The following RNF10 variants were observed in gnomAD, a reference collection of about 807,000 sequenced individuals.
RNF10 encodes E3 ubiquitin-protein ligase RNF10.
A neutral mutation model predicts 91.4 loss-of-function variants in RNF10; 38 were observed. The ratio of observed to expected loss-of-function variants is 0.42; its 90% CI spans 0.32 to 0.54. The LOEUF (loss-of-function observed/expected upper bound fraction) is 0.54. RNF10 is among the 20% of genes least tolerant of loss of function. The probability of loss-of-function intolerance (pLI) is 0.16; values close to 1 mark genes in which losing one functional copy is unlikely to be tolerated. For synonymous variants in RNF10, 364 were observed against 366.3 expected (o/e 0.99, Z 0.07); for missense variants, 945 against 1,012.0 (o/e 0.93, Z 0.90).
rs1431223401 is a variant in RNF10, at chr12:120,552,711, AC to A, written c.554+17del. The A allele has an allele frequency of 3.1e-6, 5 of 1,611,426 alleles. No homozygotes were observed. The highest frequency in any genetic ancestry group is 4.2e-6 in the Non-Finnish European group (5 of 1,178,646). The stretch of plus-strand genomic sequence containing the variant: ...TTTTACAGGCCAAGTGAGTATTGCT[AC>A]CCCTCAGAGGAAAGGGAAAGTAGGA... On this transcript the variant is annotated intron_variant, in intron 3 of 16. Transcript: ENST00000325954.
intron 13 of RNF10, among the ~76,000 whole-genome samples, chr12:120,568,852 G>A (rs1416448878): frequency 1.3e-5 from 2 of 151,950 alleles, no homozygotes; most frequent in Admixed American, 1.3e-4. Flanking sequence ...GAACTCCTGG[G>A]CTCAAGTGAT....
At chr12:120,561,338 A>G (rs1448878351) in intron 7 of RNF10, among the ~76,000 whole-genome samples, 1 of 152,224 alleles carries the variant, frequency 6.6e-6, no homozygotes, top group Non-Finnish European at 1.5e-5. Context: ...AGAATTACAC[A>G]AGAACAGAAT....
chr12:120,563,212 C>G, intron 8 of RNF10, 135 bp from the exon 9 acceptor site: 1 of 1,480,814 alleles, frequency 6.8e-7, no homozygotes, highest in Non-Finnish European at 9.3e-7. Flanking sequence ...AGTTCTTTCC[C>G]CAGGGGTGTT....
intron 1 of RNF10, 128 bp downstream of exon 1, chr12:120,535,096 CCATGGCTCT>C: frequency 9.8e-7 from 1 of 1,024,756 alleles, no homozygotes; most frequent in Non-Finnish European, 1.4e-6. Context: ...CTGCCCTTTT[CCATGGCTCT>C]CATTTGCAGT....
rs562970971 is a variant in RNF10, at chr12:120,552,776, T to C, written c.554+78T>C. 3.9e-5 allele frequency: 50 copies of C among 1,286,162 alleles called. 1 individual carries two copies. The South Asian group carries it at 6.1e-4, about 16-fold the overall frequency. 79.7% of individuals were successfully genotyped at this position (1,286,162 alleles called of 1,614,324 possible). ...TGTGGTGCCTCTGTGAGAGGCTTTTTTTAAGCTATTGTGGGAAAGAAGCAG... is the reference window on the plus strand; with the variant it reads ...TGTGGTGCCTCTGTGAGAGGCTTTTCTTAAGCTATTGTGGGAAAGAAGCAG... On this transcript the variant is annotated intron_variant, in intron 3 of 16. Coordinates refer to ENST00000325954, the MANE Select transcript of RNF10 (RefSeq NM_014868.5).
chr12:120,565,570 C>T lies in RNF10; in HGVS notation c.1885+41C>T, dbSNP rs750886587. The T allele has an allele frequency of 6.7e-5, 104 of 1,544,096 alleles. No homozygotes were observed. In the Middle Eastern group the frequency reaches 8.4e-4, roughly 12 times the overall value. On this transcript the variant is annotated intron_variant, in intron 12 of 16. Transcript: ENST00000325954. Reference sequence around the variant, plus strand: ...TTCATCTTTGACTAGCACTGCTGTACGTCGTTGTATAGAACTCTGTGTCTG... The same window carrying T: ...TTCATCTTTGACTAGCACTGCTGTATGTCGTTGTATAGAACTCTGTGTCTG...
intron 6 of RNF10, among the ~76,000 whole-genome samples, chr12:120,559,276 G>A (rs1316897675): frequency 6.9e-6 from 1 of 145,878 alleles, no homozygotes; most frequent in African/African-American, 2.6e-5. Context: ...CCACCTCCTC[G>A]GTTCAAACGA....
In RNF10 at chr12:120,555,646, C is replaced by T. The variant is rs182719975; in HGVS notation, c.645+838C>T. ...GGGACTACAGGCACGCACCACCACT[C>T]CCAGCTAATTTTTTTTTGTATTTTT... On this transcript the variant is annotated intron_variant, in intron 4 of 16. Transcript: ENST00000325954. 7.7e-4 allele frequency among the ~76,000 whole-genome samples: 117 copies of T among 152,076 alleles called. 2 individuals are homozygous for T. The highest frequency in any genetic ancestry group is 1.0e-4 in the Non-Finnish European group (7 of 68,008).
In RNF10 at chr12:120,534,579, C is replaced by G; in HGVS notation, c.-233C>G. 3 of 977,560 alleles carry G rather than the reference C, an allele frequency of 3.1e-6. No homozygotes were observed. The highest frequency in any genetic ancestry group is 4.0e-6 in the Non-Finnish European group (3 of 747,706). The allele number at this position is 977,560 out of a possible 1,614,324, so 60.6% of individuals were successfully genotyped here. On this transcript the variant is annotated 5_prime_UTR_variant, in exon 1 of 17. Transcript: ENST00000325954. ...TCCGCCCCGCCAGGCCCGGCCCGGA[C>G]TCCCGAGCCCCGGCCTCCTCGTCCT...
chr12:120,565,385 T>C (rs1875543017), intron 11 of RNF10, 43 bp from the exon 12 acceptor site: 2 of 1,571,054 alleles, frequency 1.3e-6, no homozygotes, highest in African/African-American at 1.4e-5. Context: ...GTAATGACCA[T>C]GTTGTCCTGG....
chr12:120,546,693 A>G (rs1872397307), intron 2 of RNF10, 92 bp downstream of exon 2: 3 of 1,140,470 alleles, frequency 2.6e-6, no homozygotes, highest in South Asian at 3.1e-5. Context: ...GAGAAGGGGA[A>G]CAAGAGGTAG....
rs997544780 is a variant in RNF10, at chr12:120,546,519, C to G, written c.272C>G (p.Thr91Ser). The G allele has an allele frequency of 1.5e-5, 24 of 1,614,186 alleles. No homozygotes were observed. In the Admixed American group the frequency reaches 4.0e-4, roughly 27 times the overall value. The change falls in exon 2 of 17, where the codon ACT becomes AGT. Residue 91 changes from threonine to serine, a missense_variant. Coordinates refer to ENST00000325954, the MANE Select transcript of RNF10 (RefSeq NM_014868.5). ...SRRSSSQKSKTFNKMPPQRGG... is the reference protein window; with the variant it reads ...SRRSSSQKSKSFNKMPPQRGG... ...CGCTCCAGTTCACAGAAAAGCAAGA[C>G]TTTTAACAAGATGCCTCCTCAAAGG...
intron 14 of RNF10, chr12:120,574,335 C>T (rs376837117): frequency 3.2e-5 from 13 of 409,670 alleles, no homozygotes; most frequent in African/African-American, 6.2e-5. Flanking sequence ...ATAAAATGTT[C>T]TCTGCCTTTT....
At chr12:120,546,746 A>G (rs1593061221) in intron 2 of RNF10, 145 bp downstream of exon 2, 3 of 628,836 alleles carry the variant, frequency 4.8e-6, no homozygotes, top group Non-Finnish European at 7.3e-6. Flanking sequence ...CGAGAGGGTT[A>G]ACCAGGTTTG....
rs1256714531 is a variant in RNF10, at chr12:120,557,556, A to G, written c.841A>G (p.Thr281Ala). 1 of 1,614,216 alleles carries G rather than the reference A, an allele frequency of 6.2e-7. No individual in the cohort carries two copies. The highest frequency in any genetic ancestry group is 2.2e-5 in the East Asian group (1 of 44,892). The change falls in exon 6 of 17, where the codon ACA becomes GCA. Residue 281 changes from threonine to alanine, a missense_variant. Coordinates refer to ENST00000325954, the MANE Select transcript of RNF10 (RefSeq NM_014868.5). Reference sequence around the variant, plus strand: ...GTGTCCATGTTTCAGTGTTGTTGCCACAGAGTCACATCAGTATGTTGTTGG... The same window carrying G: ...GTGTCCATGTTTCAGTGTTGTTGCCGCAGAGTCACATCAGTATGTTGTTGG... ...HKKDLKSVVA[T>A]ESHQYVVGDT...
chr12:120,541,437 C>CTTTTT (rs3049456), intron 1 of RNF10, among the ~76,000 whole-genome samples: 1 of 140,582 alleles, frequency 7.1e-6, no homozygotes, highest in African/African-American at 2.6e-5. Context: ...CTGAGTTTTC[C>CTTTTT]TTTTTTTTTT....
rs774240591 is a variant in RNF10, at chr12:120,544,637, CAG to C, written c.158-1765_158-1764del. On this transcript the variant is annotated intron_variant, in intron 1 of 16. Coordinates refer to ENST00000325954, the MANE Select transcript of RNF10 (RefSeq NM_014868.5). The stretch of plus-strand genomic sequence containing the variant: ...TGCCACTGCACTCTAGCCTGGGTGA[CAG>C]AGCAAAACCTTGTCTCTAAATAAAT... Among the ~76,000 whole-genome samples the C allele has an allele frequency of 2.6e-5, 4 of 152,144 alleles. No individual in the cohort carries two copies. In the South Asian group the frequency reaches 8.3e-4, roughly 31 times the overall value.
At chr12:120,558,032 TAA>T (rs1351687132) in intron 6 of RNF10, among the ~76,000 whole-genome samples, 1 of 152,158 alleles carries the variant, frequency 6.6e-6, no homozygotes, top group Non-Finnish European at 1.5e-5. Context: ...GCCATTAGGA[TAA>T]AGAGTGTGAT....
chr12:120,552,164 G>A (rs1873204564), intron 2 of RNF10, among the ~76,000 whole-genome samples: 1 of 151,830 alleles, frequency 6.6e-6, no homozygotes, highest in African/African-American at 2.4e-5. Context: ...GGAGGCTGAG[G>A]TGAGTGGATC....
Sources: gnomAD v4.1 joint callset for allele counts (sites outside exome capture counted in the v4.1 genomes callset) on GRCh38, gnomAD v4.1.1 for gene constraint, MANE v1.5 for transcripts, NCBI Gene and HGNC (gene_info 2026-07-23, HGNC 2026-07-21) for gene names.